CCDC33: variants seen among roughly 807,000 people sequenced by gnomAD.
The protein encoded by CCDC33 is coiled-coil domain containing 33.
In CCDC33, 94 loss-of-function variants were observed where a neutral mutation model predicts 91.9. That is an observed-to-expected ratio of 1.02 (90% CI 0.87 to 1.21). The LOEUF (loss-of-function observed/expected upper bound fraction) is 1.21. Among genes scored for constraint, CCDC33 ranks in the 50% most tolerant of loss-of-function variants. The pLI, the probability that CCDC33 is intolerant of heterozygous loss-of-function variation, is 0.00. For synonymous variants in CCDC33, 396 were observed against 374.5 expected (o/e 1.06, Z -0.66); for missense variants, 940 against 935.5 (o/e 1.00, Z -0.06).
intron 2 of CCDC33, among the ~76,000 whole-genome samples, chr15:74,257,819 C>T (rs2075913359): frequency 6.6e-6 from 1 of 152,208 alleles, no homozygotes; most frequent in Admixed American, 6.5e-5. Flanking sequence ...AACTCCACAC[C>T]TCCTGTTGCA....
chr15:74,234,103 C>T (rs1038715637), upstream of CCDC33, among the ~76,000 whole-genome samples: 5 of 152,228 alleles, frequency 3.3e-5, no homozygotes, highest in Admixed American at 1.3e-4. Flanking sequence ...CCAGATTCTT[C>T]TTGCTGTCCA....
At chr15:74,296,717 T>C (rs2142616679) in intron 11 of CCDC33, among the ~76,000 whole-genome samples, 1 of 152,330 alleles carries the variant, frequency 6.6e-6, no homozygotes, top group South Asian at 2.1e-4. Flanking sequence ...GTTTTCCTGT[T>C]GCTGGTTGAG....
intron 2 of CCDC33, among the ~76,000 whole-genome samples, chr15:74,247,396 AC>A (rs1566967515): frequency 5.6e-5 from 8 of 142,582 alleles, no homozygotes; most frequent in Admixed American, 1.4e-4. Flanking sequence ...ACACACACAC[AC>A]GTCATATACA....
intron 3 of CCDC33, among the ~76,000 whole-genome samples, chr15:74,264,462 G>A (rs2076114069): frequency 1.3e-5 from 2 of 152,160 alleles, no homozygotes. Context: ...CCCAATTCCA[G>A]CTCATCTGCT....
In CCDC33 at chr15:74,218,783, A is replaced by G. The variant is rs1246916091; in HGVS notation, c.597A>G (p.Pro199=). 2 of 1,288,418 alleles carry G rather than the reference A, an allele frequency of 1.6e-6. No homozygotes were observed. Among genetic ancestry groups the G allele is most frequent in the African/African-American group, 1.5e-5 (1 of 65,846 alleles). 79.8% of individuals were successfully genotyped at this position (1,288,418 alleles called of 1,614,324 possible). ...ACGTCCACCGGGGCCCTCAGCCTCC[A>G]GTCTCAGACAGCCCTCCCAGGGCTG... Residue 199 remains proline (P), a synonymous_variant, in exon 2 of 3, where the codon CCA becomes CCG. Transcript: ENST00000635913. This position sits in a 1 kb window ranked among gnomAD's most constrained non-coding sequence, Gnocchi z 4.8.
At chr15:74,328,172 C>A (rs781055708) in intron 11 of CCDC33, among the ~76,000 whole-genome samples, 1 of 152,196 alleles carries the variant, frequency 6.6e-6, no homozygotes, top group Non-Finnish European at 1.5e-5. Flanking sequence ...GTCAGTCCCC[C>A]ATCAGTAATG....
intron 2 of CCDC33, among the ~76,000 whole-genome samples, chr15:74,209,863 G>A (rs1276275195): frequency 6.6e-6 from 1 of 152,226 alleles, no homozygotes; most frequent in African/African-American, 2.4e-5. Flanking sequence ...AAGAAGCGGG[G>A]CCCTAAATTC....
intron 11 of CCDC33, among the ~76,000 whole-genome samples, chr15:74,328,261 G>A (rs972294207): frequency 1.3e-5 from 2 of 152,224 alleles, no homozygotes; most frequent in Non-Finnish European, 2.9e-5. Flanking sequence ...GGAAGAGGAA[G>A]GGGTCTGACC....
intron 1 of CCDC33, 87 bp from the exon 2 acceptor site, chr15:74,243,898 T>G: frequency 7.0e-7 from 1 of 1,429,110 alleles, no homozygotes; most frequent in Non-Finnish European, 9.5e-7. Flanking sequence ...TGAGCCAAGA[T>G]GGCACCACTG....
chr15:74,310,117 T>C (rs752910876), intron 11 of CCDC33, among the ~76,000 whole-genome samples: 14 of 152,058 alleles, frequency 9.2e-5, no homozygotes, highest in Non-Finnish European at 1.8e-4. Flanking sequence ...TGCCCGCCAC[T>C]GCACTCCAGC....
intron 2 of CCDC33, chr15:74,209,593 C>T: frequency 3.0e-6 from 2 of 662,600 alleles, no homozygotes; most frequent in Non-Finnish European, 5.1e-6. Context: ...TCTTCTATTT[C>T]TCACTTCTCA....
rs889631384 is a variant in CCDC33, at chr15:74,209,056, C to G, written n.90-332C>G. Reference sequence around the variant, plus strand: ...GCTCCTCCCGGAAGGCAGCTCCCCCCTTCTCCAGTCTGGCTCTGCCCCTCC... The same window carrying G: ...GCTCCTCCCGGAAGGCAGCTCCCCCGTTCTCCAGTCTGGCTCTGCCCCTCC... On this transcript the variant is annotated intron_variant and non_coding_transcript_variant, in intron 1 of 3. Coordinates refer to the CCDC33 transcript ENST00000558645. The G allele has an allele frequency of 2.5e-6, 3 of 1,203,516 alleles. No individual in the cohort carries two copies. In the African/African-American group the frequency reaches 4.7e-5, roughly 19 times the overall value. 74.6% of individuals were successfully genotyped at this position (1,203,516 alleles called of 1,614,324 possible).
In CCDC33 at chr15:74,258,348, G is replaced by T. The variant is rs138853065; in HGVS notation, c.186-4092G>T. Among the ~76,000 whole-genome samples, 237 of 152,278 alleles carry T rather than the reference G, an allele frequency of 1.6e-3. 2 individuals carry two copies. Among genetic ancestry groups the T allele is most frequent in the African/African-American group, 5.5e-3 (228 of 41,556 alleles). On this transcript the variant is annotated intron_variant, in intron 2 of 18. Transcript: ENST00000398814. ...TCCCCTTTCCTTTGCTCTCTTGGTG[G>T]CTGTCCTGGGATTGGCACTCAAAAC...
Position 74,244,430 on chromosome 15 carries a change from G to A in CCDC33, c.185+282G>A, listed in dbSNP as rs2075453300. On this transcript the variant is annotated intron_variant, in intron 2 of 18. Transcript: ENST00000398814. This position sits in a 1 kb window ranked among gnomAD's most constrained non-coding sequence, Gnocchi z 4.2. ...TCACAGCTCAGCTCCAGTGGGGCAGGTTCCTTGTATGCAAAAGTCTGGGCT... is the reference window on the plus strand; with the variant it reads ...TCACAGCTCAGCTCCAGTGGGGCAGATTCCTTGTATGCAAAAGTCTGGGCT... Among the ~76,000 whole-genome samples the A allele has an allele frequency of 1.3e-5, 2 of 152,072 alleles. No individual in the cohort carries two copies. Among genetic ancestry groups the A allele is most frequent in the South Asian group, 2.1e-4 (1 of 4,820 alleles).
intron 2 of CCDC33, among the ~76,000 whole-genome samples, chr15:74,228,853 C>T (rs2074881796): frequency 6.6e-6 from 1 of 152,194 alleles, no homozygotes; most frequent in South Asian, 2.1e-4. Context: ...ATTTCATGGC[C>T]TCAAATGAGA....
chr15:74,266,831 C>A (rs751042307), intron 4 of CCDC33, 44 bp downstream of exon 4: 9 of 1,431,030 alleles, frequency 6.3e-6, no homozygotes, highest in Non-Finnish European at 8.9e-6. Flanking sequence ...CAGGTGGGAA[C>A]CACCTTGAAT....
rs1450260696 is a variant in CCDC33 at position 74,266,818 on chromosome 15, G to A, written c.429+31G>A. The A allele has an allele frequency of 2.6e-6, 4 of 1,530,714 alleles. No homozygotes were observed. In the South Asian group the frequency reaches 4.5e-5, roughly 17 times the overall value. The allele number at this position is 1,530,714 out of a possible 1,614,324, so 94.8% of individuals were successfully genotyped here. A position where few individuals can be genotyped will look rare whatever the true frequency, so the allele number is the denominator to read the frequency against. On this transcript the variant is annotated intron_variant, in intron 4 of 18. Transcript: ENST00000398814. ...TCAGAGGCCTGGGGAAGTGCCGGGA[G>A]AGCAGGTGGGAACCACCTTGAATGT...
In CCDC33 at chr15:74,266,709, GA is replaced by G. The variant is rs1477562556; in HGVS notation, c.354del (p.Lys118AsnfsTer25). 29 of 1,613,996 alleles carry G rather than the reference GA, an allele frequency of 1.8e-5. No individual in the cohort carries two copies. Among genetic ancestry groups the G allele is most frequent in the Non-Finnish European group, 2.0e-5 (24 of 1,179,952 alleles). Reference sequence around the variant, plus strand: ...TCCTCAAGGTGGTGGACAACAGAAAGAAACAGGAGTTGTTGTCCTACAAAAT... The same window carrying G: ...TCCTCAAGGTGGTGGACAACAGAAAGAACAGGAGTTGTTGTCCTACAAAAT... Reference protein sequence around the residue: ...VILKVVDNRKKQELLSYKIPI... With the variant: ...VILKVVDNRKXQELLSYKIPI... On this transcript the variant is annotated frameshift_variant, in exon 4 of 19. Transcript: ENST00000398814. LOFTEE classifies it high-confidence loss of function.
At chr15:74,264,349 G>A (rs1480625870) in intron 3 of CCDC33, among the ~76,000 whole-genome samples, 1 of 152,204 alleles carries the variant, frequency 6.6e-6, no homozygotes, top group Non-Finnish European at 1.5e-5. Flanking sequence ...GCCACACAAA[G>A]GGAACGGTGG....
Sources: allele counts gnomAD v4.1 joint callset (sites outside exome capture counted in the v4.1 genomes callset), GRCh38; gene constraint gnomAD v4.1.1; non-coding constraint Gnocchi (gnomAD v3.1); transcripts MANE v1.5; gene names NCBI Gene and HGNC (gene_info 2026-07-23, HGNC 2026-07-21).